The following CFTR variants were observed in gnomAD, a reference collection of about 807,000 sequenced individuals.
CFTR encodes CF transmembrane conductance regulator, also known as cystic fibrosis transmembrane conductance regulator.
A neutral mutation model predicts 171.6 loss-of-function variants in CFTR; 181 were observed. The ratio of observed to expected loss-of-function variants is 1.05; its 90% CI spans 0.93 to 1.19. The LOEUF (loss-of-function observed/expected upper bound fraction) is 1.19. Ranked by LOEUF, CFTR falls within the 50% of genes most tolerant of loss-of-function variation. The probability of loss-of-function intolerance (pLI) is 0.00; values close to 1 mark genes in which losing one functional copy is unlikely to be tolerated. For missense variants in CFTR, 1,968 were observed against 1,734.7 expected, an observed-to-expected ratio of 1.13 and a Z score of -2.39; for synonymous variants, 583 against 608.0, an observed-to-expected ratio of 0.96 and a Z score of 0.60.
chr7:117,612,033 A>ATATATATG (rs1562915081), intron 20 of CFTR, among the ~76,000 whole-genome samples: 8 of 75,308 alleles, frequency 1.1e-4, no homozygotes, highest in African/African-American at 4.2e-4. Flanking sequence ...GTATATATAT[A>ATATATATG]TATATATATA....
At chr7:117,594,118 G>T (rs376696573) in intron 14 of CFTR, among the ~76,000 whole-genome samples, 2 of 152,284 alleles carry the variant, frequency 1.3e-5, no homozygotes, top group African/African-American at 4.8e-5. Flanking sequence ...AAAGTTCAGA[G>T]TTCGGCAACA....
chr7:117,649,316 G>A (rs555897788), intron 23 of CFTR, among the ~76,000 whole-genome samples: 21 of 147,862 alleles, frequency 1.4e-4, no homozygotes, highest in African/African-American at 5.2e-4. Context: ...ATGTGTGTGT[G>A]TATATATATA....
chr7:117,518,136 A>G (rs914234076), intron 3 of CFTR, among the ~76,000 whole-genome samples: 1 of 151,866 alleles, frequency 6.6e-6, no homozygotes, highest in Non-Finnish European at 1.5e-5. Flanking sequence ...ATGGAACTCT[A>G]TATGTAGTTG....
Position 117,638,249 on chromosome 7 carries a change from G to C in CFTR, c.3718-4189G>C, listed in dbSNP as rs13231082. Among the ~76,000 whole-genome samples the C allele has an allele frequency of 1.9e-3, 295 of 152,120 alleles. 1 individual carries two copies. The highest frequency in any genetic ancestry group is 4.6e-3 in the Admixed American group (70 of 15,274). On this transcript the variant is annotated intron_variant, in intron 22 of 26. Transcript: ENST00000003084. ...TCTAAGAAAAGTTGTTTATTTTTCA[G>C]TGTGCTCTGCTTTTTACTTGTTACG...
chr7:117,505,412 TG>T (rs1248112371), intron 2 of CFTR, among the ~76,000 whole-genome samples: 1 of 152,052 alleles, frequency 6.6e-6, no homozygotes, highest in Non-Finnish European at 1.5e-5. Flanking sequence ...AAGACCTAGG[TG>T]GAGAACTGGC....
chr7:117,573,563 A>T (rs751020727), intron 11 of CFTR, among the ~76,000 whole-genome samples: 4 of 152,162 alleles, frequency 2.6e-5, no homozygotes, highest in Non-Finnish European at 5.9e-5. Flanking sequence ...CCTGAGTAAG[A>T]GTAGGTGAAA....
intron 3 of CFTR, among the ~76,000 whole-genome samples, chr7:117,528,520 C>A (rs1410499959): frequency 9.8e-6 from 1 of 102,410 alleles, no homozygotes; most frequent in East Asian, 3.8e-4. Context: ...CAAATGGGAT[C>A]TAATTAAACT....
intron 15 of CFTR, among the ~76,000 whole-genome samples, chr7:117,599,786 T>G (rs1178484882): frequency 6.6e-6 from 1 of 152,114 alleles, no homozygotes; most frequent in East Asian, 1.9e-4. Context: ...GAATCAAAAT[T>G]TACATAGTTT....
chr7:117,573,258 ATGT>A (rs940690861), intron 11 of CFTR, among the ~76,000 whole-genome samples: 3 of 152,206 alleles, frequency 2.0e-5, no homozygotes, highest in Non-Finnish European at 4.4e-5. Context: ...CACATTGGAT[ATGT>A]TGTTATGCAC....
intron 22 of CFTR, among the ~76,000 whole-genome samples, chr7:117,638,951 T>A (rs1279939569): frequency 6.6e-6 from 1 of 152,084 alleles, no homozygotes; most frequent in African/African-American, 2.4e-5. Context: ...CTAGTAATAT[T>A]TTTGGATATC....
intron 22 of CFTR, among the ~76,000 whole-genome samples, chr7:117,634,927 A>G (rs1423180424): frequency 1.3e-5 from 2 of 152,102 alleles, no homozygotes; most frequent in Non-Finnish European, 2.9e-5. Flanking sequence ...GTATTCTGCT[A>G]TATTTGAATG....
intron 17 of CFTR, among the ~76,000 whole-genome samples, chr7:117,604,307 T>C (rs751153469): frequency 3.3e-5 from 5 of 152,138 alleles, no homozygotes; most frequent in African/African-American, 4.8e-5. Context: ...AAAGTCAGAG[T>C]AGCAGAATAA....
chr7:117,562,920 A>G (rs1439712612), intron 11 of CFTR, among the ~76,000 whole-genome samples: 2 of 152,184 alleles, frequency 1.3e-5, no homozygotes, highest in Non-Finnish European at 2.9e-5. Flanking sequence ...TATCATCAGC[A>G]TAGAACCAGA....
chr7:117,574,930 T>G (rs1480694196), intron 11 of CFTR, among the ~76,000 whole-genome samples: 1 of 152,136 alleles, frequency 6.6e-6, no homozygotes, highest in Non-Finnish European at 1.5e-5. Context: ...GTATGTAGAA[T>G]TCTATTTCAT....
chr7:117,545,201 G>T (rs1799119499), intron 9 of CFTR, among the ~76,000 whole-genome samples: 1 of 152,158 alleles, frequency 6.6e-6, no homozygotes, highest in Admixed American at 6.6e-5. Context: ...AAACCACCAG[G>T]TCTTGTGAGA....
At chr7:117,493,390 G>T (rs1266624138) in intron 1 of CFTR, among the ~76,000 whole-genome samples, 2 of 152,034 alleles carry the variant, frequency 1.3e-5, no homozygotes, top group East Asian at 1.9e-4. Flanking sequence ...AAGTAAAAGG[G>T]ATTTAAAGCA....
intron 19 of CFTR, among the ~76,000 whole-genome samples, chr7:117,611,248 GA>G (rs1373292558): frequency 6.6e-6 from 1 of 151,962 alleles, no homozygotes; most frequent in South Asian, 2.1e-4. Flanking sequence ...TTAGATACTT[GA>G]AAAAATTGTC....
intron 3 of CFTR, among the ~76,000 whole-genome samples, chr7:117,517,899 G>T (rs1050844545): frequency 3.9e-5 from 6 of 152,080 alleles, no homozygotes; most frequent in Admixed American, 6.6e-5. Context: ...TTTTGATGGG[G>T]TTGTTTTTTT....
chr7:117,545,631 C>T (rs1293765858), intron 9 of CFTR, among the ~76,000 whole-genome samples: 1 of 152,112 alleles, frequency 6.6e-6, no homozygotes, highest in African/African-American at 2.4e-5. Flanking sequence ...TCCTCCCTTG[C>T]TCCAAACCTG....
Sources: gnomAD v4.1 joint callset for allele counts (sites outside exome capture counted in the v4.1 genomes callset) on GRCh38, gnomAD v4.1.1 for gene constraint, MANE v1.5 for transcripts, NCBI Gene and HGNC (gene_info 2026-07-23, HGNC 2026-07-21) for gene names.